The following SIK2 variants were observed in gnomAD, a reference collection of about 807,000 sequenced individuals.
SIK2 encodes serine/threonine-protein kinase SIK2.
Under a neutral mutation model 103.2 loss-of-function variants are expected in SIK2, and 29 were observed. The observed-to-expected ratio is 0.28, with a 90% CI of 0.21 to 0.38. SIK2 has a LOEUF of 0.38. Among genes scored for constraint, SIK2 ranks in the 10% least tolerant of loss-of-function variants. SIK2 has a pLI of 1.00. For missense variants in SIK2, 879 were observed against 1,171.0 expected (o/e 0.75, Z 3.64); for synonymous variants, 412 against 446.1 (o/e 0.92, Z 0.96).
At chr11:111,673,944 C>T (rs543765673) in intron 3 of SIK2, among the ~76,000 whole-genome samples, 54 of 151,782 alleles carry the variant, frequency 3.6e-4, no homozygotes, top group African/African-American at 1.2e-3. Flanking sequence ...CGTGGTGGCA[C>T]GCACCTGTAA....
intron 1 of SIK2, among the ~76,000 whole-genome samples, chr11:111,606,830 G>A (rs1941654967): frequency 1.3e-5 from 2 of 151,604 alleles, no homozygotes; most frequent in Admixed American, 1.3e-4. Context: ...GTATAAATAG[G>A]AGGCCAGGCT....
At chr11:111,628,416 ATCTT>A (rs112377118) in intron 3 of SIK2, among the ~76,000 whole-genome samples, 1,422 of 125,670 alleles carry the variant, frequency 0.011, 24 homozygotes, top group African/African-American at 0.034. Flanking sequence ...CCGCTTTCAT[ATCTT>A]TCTTTCTTTC....
intron 3 of SIK2, 108 bp downstream of exon 3, chr11:111,620,510 T>C (rs562002653): frequency 1.5e-6 from 1 of 670,772 alleles, no homozygotes; most frequent in East Asian, 2.8e-5. Context: ...GTAATATAAG[T>C]GAAAAAAAAT....
At chr11:111,660,339 C>T (rs920659278) in intron 3 of SIK2, among the ~76,000 whole-genome samples, 1 of 151,838 alleles carries the variant, frequency 6.6e-6, no homozygotes, top group Non-Finnish European at 1.5e-5. Flanking sequence ...CCATATGCAC[C>T]GTGTATAAGC....
rs112610621 is a variant in SIK2, at chr11:111,722,873, G to A, written c.2147+117G>A. The A allele has an allele frequency of 1.0e-4, 92 of 882,828 alleles. No homozygotes were observed. Among genetic ancestry groups the A allele is most frequent in the Non-Finnish European group, 1.3e-4 (76 of 564,890 alleles). 54.7% of individuals were successfully genotyped at this position (882,828 alleles called of 1,614,324 possible). A position where few individuals can be genotyped will look rare whatever the true frequency, so the allele number is the denominator to read the frequency against. On this transcript the variant is annotated intron_variant, in intron 14 of 14. Transcript: ENST00000304987. This position sits in a 1 kb window ranked among gnomAD's most constrained non-coding sequence, Gnocchi z 4.4. ...ACTACTAGGAAAATAGGTTTTCTGC[G>A]TGTGTCACAGGCCCTCTGAGCACGA...
At position 111,724,162 on chromosome 11, in the gene SIK2, AG is replaced by A. The variant is rs751763010; in HGVS notation, c.*35del. On this transcript the variant is annotated 3_prime_UTR_variant, in exon 15 of 15. Coordinates refer to ENST00000304987, the MANE Select transcript of SIK2 (RefSeq NM_015191.3). Reference sequence around the variant, plus strand: ...ACAGGAATTGAGGTGGGTCAGGTGAAGGAAGAGTGTATGTTCCTATTTTTAT... The same window carrying A: ...ACAGGAATTGAGGTGGGTCAGGTGAAGAAGAGTGTATGTTCCTATTTTTAT... The A allele has an allele frequency of 9.3e-5, 147 of 1,587,442 alleles. 1 individual carries two copies. In the Middle Eastern group the frequency reaches 1.2e-3, roughly 13 times the overall value.
At chr11:111,653,172 C>T (rs879746065) in intron 3 of SIK2, among the ~76,000 whole-genome samples, 1 of 152,014 alleles carries the variant, frequency 6.6e-6, no homozygotes, top group Non-Finnish European at 1.5e-5. Context: ...GAAGGGCCAC[C>T]CTGAGAGTAG....
intron 1 of SIK2, among the ~76,000 whole-genome samples, chr11:111,611,775 G>T (rs796171411): frequency 6.6e-6 from 1 of 152,074 alleles, no homozygotes; most frequent in Admixed American, 6.6e-5. Flanking sequence ...CTTTCCATTC[G>T]TGGAGTTCCT....
chr11:111,616,481 G>T (rs942428046), intron 2 of SIK2, 122 bp downstream of exon 2: 4 of 649,646 alleles, frequency 6.2e-6, no homozygotes, highest in African/African-American at 1.8e-5. Flanking sequence ...TATGCTATTT[G>T]TTACTAAGTA....
At chr11:111,692,435 G>T (rs1229793993) in intron 4 of SIK2, among the ~76,000 whole-genome samples, 4 of 147,780 alleles carry the variant, frequency 2.7e-5, no homozygotes, top group African/African-American at 1.0e-4. Context: ...CGAGGCTGGG[G>T]TATCTGCCTC....
At chr11:111,639,541 A>T (rs1309897477) in intron 3 of SIK2, among the ~76,000 whole-genome samples, 1 of 152,224 alleles carries the variant, frequency 6.6e-6, no homozygotes. Context: ...TTACAACATC[A>T]TGGCCAGAAG....
rs1302584510 is a variant in SIK2 at position 111,612,929 on chromosome 11, T to TATATATATAC, written c.136-3305_136-3304insCATATATATA. On this transcript the variant is annotated intron_variant, in intron 1 of 14. Transcript: ENST00000304987. ...GATAGCAATGGGATATATATATATATATATATATATATATATATTTATGAT... is the reference window on the plus strand; with the variant it reads ...GATAGCAATGGGATATATATATATATATATATATACATATATATATATATATATTTATGAT... Among the ~76,000 whole-genome samples, 93 of 27,542 alleles carry TATATATATAC rather than the reference T, an allele frequency of 3.4e-3. 1 individual carries two copies. The South Asian group carries it at 0.094, about 28-fold the overall frequency. 18.1% of individuals were successfully genotyped at this position (27,542 alleles called of 152,430 possible).
intron 3 of SIK2, among the ~76,000 whole-genome samples, chr11:111,673,516 G>C (rs986477037): frequency 2.6e-5 from 4 of 152,120 alleles, no homozygotes; most frequent in African/African-American, 9.7e-5. Context: ...GGGCCTCTTG[G>C]ATTTGTTCTG....
intron 9 of SIK2, among the ~76,000 whole-genome samples, chr11:111,715,637 A>G (rs1943617568): frequency 6.6e-6 from 1 of 152,164 alleles, no homozygotes; most frequent in Admixed American, 6.5e-5. Flanking sequence ...TGGTTGGATC[A>G]GGTGTTCCAA....
chr11:111,642,866 A>G (rs11213966), intron 3 of SIK2, among the ~76,000 whole-genome samples: 4,296 of 152,276 alleles, frequency 0.028, 200 homozygotes, highest in African/African-American at 0.096. Context: ...TCACTTAGGA[A>G]TACCATAGGT....
At chr11:111,610,198 A>G (rs1463770415) in intron 1 of SIK2, among the ~76,000 whole-genome samples, 1 of 152,176 alleles carries the variant, frequency 6.6e-6, no homozygotes, top group Admixed American at 6.5e-5. Context: ...AAAATCAAAG[A>G]GACAGGATAG....
intron 3 of SIK2, among the ~76,000 whole-genome samples, chr11:111,655,484 A>G (rs1447458135): frequency 6.6e-6 from 1 of 152,232 alleles, no homozygotes; most frequent in Non-Finnish European, 1.5e-5. Flanking sequence ...AACTGCTTCT[A>G]TAGGTCAGGC....
At chr11:111,675,921 T>TAGA (rs1215298292) in intron 3 of SIK2, among the ~76,000 whole-genome samples, 2 of 152,210 alleles carry the variant, frequency 1.3e-5, no homozygotes, top group East Asian at 3.8e-4. Flanking sequence ...CACCCTCAAG[T>TAGA]AGACCCCATT....
chr11:111,637,766 A>G (rs1399117906), intron 3 of SIK2, among the ~76,000 whole-genome samples: 4 of 152,094 alleles, frequency 2.6e-5, no homozygotes, highest in African/African-American at 9.7e-5. Flanking sequence ...CCAGCCTATA[A>G]TATCTTTATT....
Sources: gnomAD v4.1 joint callset for allele counts (sites outside exome capture counted in the v4.1 genomes callset) on GRCh38, gnomAD v4.1.1 for gene constraint, Gnocchi (gnomAD v3.1) non-coding constraint, MANE v1.5 for transcripts, NCBI Gene and HGNC (gene_info 2026-07-23, HGNC 2026-07-21) for gene names.